The following CRIM1 variants were observed in gnomAD, a reference collection of about 807,000 sequenced individuals.
The protein encoded by CRIM1 is cysteine-rich motor neuron 1 protein.
Under a neutral mutation model 116.4 loss-of-function variants are expected in CRIM1, and 32 were observed. That is an observed-to-expected ratio of 0.27 (90% confidence interval 0.21 to 0.37). CRIM1 has a LOEUF of 0.37. Among genes scored for constraint, CRIM1 ranks in the 10% least tolerant of loss-of-function variants. The probability of loss-of-function intolerance (pLI) is 1.00; values close to 1 mark genes in which losing one functional copy is unlikely to be tolerated. For missense variants in CRIM1, 1,331 were observed against 1,354.8 expected, an observed-to-expected ratio of 0.98 and a Z score of 0.28; for synonymous variants, 590 against 509.2, an observed-to-expected ratio of 1.16 and a Z score of -2.13.
intron 2 of CRIM1, among the ~76,000 whole-genome samples, chr2:36,436,447 T>C (rs894774741): frequency 6.6e-6 from 1 of 152,226 alleles, no homozygotes; most frequent in Non-Finnish European, 1.5e-5. Flanking sequence ...GGCTTGAATC[T>C]TATGCCTGCT....
intron 13 of CRIM1, among the ~76,000 whole-genome samples, chr2:36,526,811 T>G (rs964607801): frequency 3.3e-5 from 5 of 152,196 alleles, no homozygotes; most frequent in Non-Finnish European, 7.3e-5. Flanking sequence ...AACGTCTATC[T>G]TAGGTTAATT....
chr2:36,364,585 C>T (rs1669465268), intron 1 of CRIM1, among the ~76,000 whole-genome samples: 1 of 152,144 alleles, frequency 6.6e-6, no homozygotes, highest in Non-Finnish European at 1.5e-5. Flanking sequence ...TCCTCTCCTC[C>T]CTCCTTTTTT....
chr2:36,437,572 T>TCAA (rs1187166268), intron 2 of CRIM1, among the ~76,000 whole-genome samples: 1 of 51,320 alleles, frequency 1.9e-5, no homozygotes, highest in African/African-American at 1.4e-4. Context: ...ACCGATTATA[T>TCAA]TAATAAAGAG....
intron 4 of CRIM1, among the ~76,000 whole-genome samples, chr2:36,460,111 A>G (rs72865069): frequency 0.011 from 1,637 of 152,278 alleles, 25 homozygotes; most frequent in African/African-American, 0.038. Context: ...GAGAAAAAAA[A>G]AAGACAGCTT....
At chr2:36,511,066 C>T (rs1449898655) in intron 9 of CRIM1, among the ~76,000 whole-genome samples, 2 of 151,836 alleles carry the variant, frequency 1.3e-5, no homozygotes, top group African/African-American at 2.4e-5. Context: ...CTCAGCCTCC[C>T]GAGTAGCTGG....
Position 36,356,563 on chromosome 2 carries a change from G to A in CRIM1, c.271G>A (p.Val91Ile), listed in dbSNP as rs1668816940. The change falls in exon 1 of 17, where the codon GTC becomes ATC. Residue 91 changes from valine to isoleucine, a missense_variant. By Grantham distance (29) the Val-to-Ile change is conservative. Around this residue, in one of 3 missense-constraint regions of CRIM1, gnomAD observed 690 missense variants for 676.0 expected, o/e 1.02. Transcript: ENST00000280527. This position sits in a 1 kb window ranked among gnomAD's most constrained non-coding sequence, Gnocchi z 4.3. ...YGTCDRGLRC[V>I]IRPPLNGDSL... The stretch of plus-strand genomic sequence containing the variant: ...AACCTGCGACCGGGGGCTGCGTTGT[G>A]TCATCCGCCCCCCGCTCAATGGCGA... The A allele has an allele frequency of 1.9e-6, 3 of 1,612,364 alleles. No homozygotes were observed. Among genetic ancestry groups the A allele is most frequent in the African/African-American group, 2.7e-5 (2 of 74,918 alleles).
rs147496913 is a variant in CRIM1 at position 36,495,524 on chromosome 2, T to C, written c.1373-3695T>C. 2.6e-3 allele frequency among the ~76,000 whole-genome samples: 390 copies of C among 149,122 alleles called. 2 individuals are homozygous for C. The highest frequency in any genetic ancestry group is 8.7e-3 in the African/African-American group (359 of 41,086). ...ATGAGAAACAGTCATACTGAGATAC[T>C]ATGATTCTAGATTCTTTAAAATCAC... On this transcript the variant is annotated intron_variant, in intron 7 of 16. Transcript: ENST00000280527.
chr2:36,464,015 C>T (rs1394948401), intron 4 of CRIM1, among the ~76,000 whole-genome samples: 1 of 152,118 alleles, frequency 6.6e-6, no homozygotes, highest in Non-Finnish European at 1.5e-5. Context: ...TTAAGACAAT[C>T]ACACTGACAA....
At position 36,550,021 on chromosome 2, in the gene CRIM1, ATGTGTGTGTGAGAGTATGTATGTGTGTG is replaced by A. The variant is rs1317128059; in HGVS notation, c.*1331_*1358del. ...TTCTACCTGCAGTTTAATTGGAAAG[ATGTGTGTGTGAGAGTATGTATGTGTGTG>A]TGTGTGTGTGTGTGTGTGCGCGCGC... is the stretch of plus-strand genomic sequence containing the variant. On this transcript the variant is annotated 3_prime_UTR_variant, in exon 17 of 17. Transcript: ENST00000280527. The A allele has an allele frequency of 6.6e-6, 1 of 151,098 alleles. No homozygotes were observed. The highest frequency in any genetic ancestry group is 1.5e-5 in the Non-Finnish European group (1 of 67,842). The allele number at this position is 151,098 out of a possible 1,614,324, so 9.4% of individuals were successfully genotyped here.
rs1411145613 is a variant in CRIM1, at chr2:36,485,675, A to T, written c.1372+5981A>T. 2.0e-5 allele frequency among the ~76,000 whole-genome samples: 3 copies of T among 152,200 alleles called. No homozygotes were observed. The East Asian group carries it at 5.8e-4, about 29-fold the overall frequency. ...TACTGCTTTTGTGGCACGGAGTCAA[A>T]CATAGTTTGGCTGACCCCAAGAGGC... On this transcript the variant is annotated intron_variant, in intron 7 of 16. Transcript: ENST00000280527.
At chr2:36,467,378 A>G (rs1678129084) in intron 5 of CRIM1, among the ~76,000 whole-genome samples, 1 of 152,210 alleles carries the variant, frequency 6.6e-6, no homozygotes, top group African/African-American at 2.4e-5. Context: ...ATACATTCAT[A>G]CTCATACACA....
At chr2:36,520,217 T>G (rs940138276) in intron 12 of CRIM1, among the ~76,000 whole-genome samples, 1 of 152,226 alleles carries the variant, frequency 6.6e-6, no homozygotes. Flanking sequence ...CAGGCCTCAG[T>G]GAGAGCCCTG....
At chr2:36,540,227 A>G (rs1446035213) in intron 14 of CRIM1, among the ~76,000 whole-genome samples, 2 of 152,206 alleles carry the variant, frequency 1.3e-5, no homozygotes, top group African/African-American at 4.8e-5. Flanking sequence ...CACTGCTGTA[A>G]TGAACTTCAC....
chr2:36,359,224 G>C (rs1669059862), intron 1 of CRIM1, among the ~76,000 whole-genome samples: 1 of 152,118 alleles, frequency 6.6e-6, no homozygotes, highest in Admixed American at 6.5e-5. Flanking sequence ...ACCCCTACTG[G>C]TTGTATCTGT....
chr2:36,381,831 C>G (rs1670800851), intron 1 of CRIM1, among the ~76,000 whole-genome samples: 1 of 152,110 alleles, frequency 6.6e-6, no homozygotes, highest in Non-Finnish European at 1.5e-5. Context: ...TAAAGCACAC[C>G]CCATTTGGAT....
At chr2:36,365,263 ATATT>A (rs1013215083) in intron 1 of CRIM1, among the ~76,000 whole-genome samples, 1 of 152,182 alleles carries the variant, frequency 6.6e-6, no homozygotes, top group African/African-American at 2.4e-5. Context: ...TTTCAAATTA[ATATT>A]TATTTAAAAA....
chr2:36,460,439 A>G (rs1308068403), intron 4 of CRIM1, among the ~76,000 whole-genome samples: 1 of 152,178 alleles, frequency 6.6e-6, no homozygotes, highest in Non-Finnish European at 1.5e-5. Context: ...GATGATGAAA[A>G]TGTTCTGAAA....
intron 4 of CRIM1, among the ~76,000 whole-genome samples, chr2:36,464,179 G>A (rs1000277929): frequency 2.0e-5 from 3 of 152,252 alleles, no homozygotes; most frequent in African/African-American, 4.8e-5. Context: ...TCGATTCACA[G>A]AAGAGCATAA....
intron 11 of CRIM1, among the ~76,000 whole-genome samples, chr2:36,516,733 T>C (rs1234761866): frequency 6.6e-6 from 1 of 152,136 alleles, no homozygotes; most frequent in East Asian, 1.9e-4. Flanking sequence ...AGCATAAAAG[T>C]ACTCAGGATC....
Sources: allele counts gnomAD v4.1 joint callset (sites outside exome capture counted in the v4.1 genomes callset), GRCh38; gene constraint gnomAD v4.1.1; regional missense constraint gnomAD v4.1.1; non-coding constraint Gnocchi (gnomAD v3.1); transcripts MANE v1.5; gene names NCBI Gene and HGNC (gene_info 2026-07-23, HGNC 2026-07-21).